The following ZSWIM3 variants were observed in gnomAD, a reference collection of about 807,000 sequenced individuals.
ZSWIM3 encodes zinc finger SWIM-type containing 3, also known as zinc finger SWIM domain-containing protein 3.
Under a neutral mutation model 47.5 loss-of-function variants are expected in ZSWIM3, and 27 were observed. The observed-to-expected ratio is 0.57, with a 90% CI of 0.42 to 0.78. The LOEUF is 0.78. Ranked by LOEUF, ZSWIM3 falls within the 30% of genes least tolerant of loss-of-function variation. The pLI is 0.00. For synonymous variants in ZSWIM3, 333 were observed against 333.9 expected, an observed-to-expected ratio of 1.00 and a Z score of 0.03; for missense variants, 689 against 861.3, an observed-to-expected ratio of 0.80 and a Z score of 2.50.
chr20:45,870,938 A>G (rs1179931585), intron 1 of ZSWIM3, among the ~76,000 whole-genome samples: 3 of 152,064 alleles, frequency 2.0e-5, no homozygotes, highest in Non-Finnish European at 4.4e-5. Context: ...CAAGTGATCC[A>G]CCTACCTTGG....
chr20:45,861,864 T>C (rs781635149), intron 1 of ZSWIM3, among the ~76,000 whole-genome samples: 2 of 151,588 alleles, frequency 1.3e-5, no homozygotes, highest in Non-Finnish European at 2.9e-5. Context: ...ATTACAGATA[T>C]GAACCACCAT....
At chr20:45,873,387 G>A (rs574513643) in intron 1 of ZSWIM3, among the ~76,000 whole-genome samples, 1 of 152,076 alleles carries the variant, frequency 6.6e-6, no homozygotes, top group African/African-American at 2.4e-5. Flanking sequence ...GGCAACAAGA[G>A]TGAAACGCCA....
intron 1 of ZSWIM3, among the ~76,000 whole-genome samples, chr20:45,860,971 C>T (rs1985693750): frequency 6.6e-6 from 1 of 152,120 alleles, no homozygotes; most frequent in African/African-American, 2.4e-5. Flanking sequence ...TATTAGAAAA[C>T]AGTGATGGGC....
At chr20:45,859,811 A>AC (rs1985659761) in intron 1 of ZSWIM3, among the ~76,000 whole-genome samples, 1 of 149,404 alleles carries the variant, frequency 6.7e-6, no homozygotes, top group African/African-American at 2.4e-5. Context: ...AAAAAAAAAA[A>AC]AAAAACCACA....
chr20:45,878,908 A>T lies in ZSWIM3; in HGVS notation c.*259A>T, dbSNP rs1410227003. ...AAAGTTATCTCCGTGCTGCAAGGTC[A>T]CCCTCTTCCTCCCCCAGCCCCTGAG... is the stretch of plus-strand genomic sequence containing the variant. On this transcript the variant is annotated 3_prime_UTR_variant, in exon 2 of 2. Transcript: ENST00000255152. 6 of 427,082 alleles carry T rather than the reference A, an allele frequency of 1.4e-5. No individual in the cohort carries two copies. Among genetic ancestry groups the T allele is most frequent in the Non-Finnish European group, 2.5e-5 (6 of 238,232 alleles). 26.5% of individuals were successfully genotyped at this position (427,082 alleles called of 1,614,324 possible). A position where few individuals can be genotyped will look rare whatever the true frequency, so the allele number is the denominator to read the frequency against.
At chr20:45,866,791 C>T (rs978658759) in intron 1 of ZSWIM3, among the ~76,000 whole-genome samples, 5 of 151,692 alleles carry the variant, frequency 3.3e-5, no homozygotes, top group African/African-American at 1.2e-4. Context: ...AACAGAGACC[C>T]TGTCTCAAAA....
At chr20:45,870,846 A>G (rs1206386939) in intron 1 of ZSWIM3, among the ~76,000 whole-genome samples, 2 of 152,090 alleles carry the variant, frequency 1.3e-5, no homozygotes, top group Non-Finnish European at 2.9e-5. Flanking sequence ...GGTGTGCACC[A>G]GCATGCCCGG....
intron 1 of ZSWIM3, among the ~76,000 whole-genome samples, chr20:45,865,452 T>C (rs73622616): frequency 1.3e-5 from 2 of 151,638 alleles, no homozygotes; most frequent in African/African-American, 4.8e-5. Context: ...CGTGCCACTG[T>C]ACTCCAGCCT....
chr20:45,860,510 CAAAAAA>C (rs59152975), intron 1 of ZSWIM3, among the ~76,000 whole-genome samples: 1 of 102,634 alleles, frequency 9.7e-6, no homozygotes, highest in African/African-American at 5.5e-5. Context: ...GACTCCATCT[CAAAAAA>C]AAAAAAAAAA....
chr20:45,873,267 G>T (rs1483041359), intron 1 of ZSWIM3, among the ~76,000 whole-genome samples: 1 of 152,206 alleles, frequency 6.6e-6, no homozygotes, highest in Non-Finnish European at 1.5e-5. Flanking sequence ...CGGGCATGGT[G>T]GCGCATGCCT....
Position 45,857,916 on chromosome 20 carries a change from A to G in ZSWIM3, c.91A>G (p.Arg31Gly). ...KRENRCSFIL[R>G]DCVSVRFHNL... ...GGAGAACAGGTGCTCCTTCATTCTC[A>G]GGGACTGCGTCTCCGTCCGCTTCCA... The change falls in exon 1 of 2, where the codon AGG becomes GGG. Residue 31 changes from arginine (R) to glycine (G), a missense_variant. By Grantham distance (125) the Arg-to-Gly change is moderately radical. Coordinates refer to ENST00000255152, the MANE Select transcript of ZSWIM3 (RefSeq NM_080752.4). 1.3e-6 allele frequency: 2 copies of G among 1,543,256 alleles called. No homozygotes were observed. Among genetic ancestry groups the G allele is most frequent in the Non-Finnish European group, 1.8e-6 (2 of 1,140,866 alleles).
chr20:45,873,356 G>A (rs1016244765), intron 1 of ZSWIM3, among the ~76,000 whole-genome samples: 3 of 152,018 alleles, frequency 2.0e-5, no homozygotes, highest in Admixed American at 1.3e-4. Flanking sequence ...AGTCGAGATC[G>A]AGCCATCGCA....
rs150493098 is a variant in ZSWIM3 at position 45,878,349 on chromosome 20, G to C, written c.1791G>C (p.Glu597Asp). Residue 597 changes from glutamate to aspartate, a missense_variant, in exon 2 of 2, where the codon GAG (glutamate) becomes GAC (aspartate). Coordinates refer to ENST00000255152, the MANE Select transcript of ZSWIM3 (RefSeq NM_080752.4). Reference sequence around the variant, plus strand: ...AGTACCTCCTTGGGCCCAATGGGGAGCTCCAGGATCGTGGTATGGTCCCAA... The same window carrying C: ...AGTACCTCCTTGGGCCCAATGGGGACCTCCAGGATCGTGGTATGGTCCCAA... ...KYQYLLGPNGELQDRGMVPNT... is the reference protein window; with the variant it reads ...KYQYLLGPNGDLQDRGMVPNT... 4.0e-5 allele frequency: 64 copies of C among 1,614,234 alleles called. No individual in the cohort carries two copies. The African/African-American group carries it at 6.7e-4, about 17-fold the overall frequency.
intron 1 of ZSWIM3, among the ~76,000 whole-genome samples, chr20:45,871,506 C>T (rs1353128114): frequency 6.6e-6 from 1 of 152,156 alleles, no homozygotes; most frequent in African/African-American, 2.4e-5. Context: ...AGACGTGGCT[C>T]CTAGTCCTAG....
Position 45,857,869 on chromosome 20 carries a change from AGTG to A in ZSWIM3, c.45_47del (p.Glu15_Cys16delinsAsp). On this transcript the variant is annotated inframe_deletion, in exon 1 of 2. Coordinates refer to ENST00000255152, the MANE Select transcript of ZSWIM3 (RefSeq NM_080752.4). ...TTCAAGACCTATGAGGACTTCAAGG[AGTG>A]CTTCAGCGCCTACAAAAGGGAGAAC... The A allele has an allele frequency of 6.2e-7, 1 of 1,614,078 alleles. No individual in the cohort carries two copies. The highest frequency in any genetic ancestry group is 8.5e-7 in the Non-Finnish European group (1 of 1,180,014).
chr20:45,858,064 A>G, intron 1 of ZSWIM3, 84 bp downstream of exon 1: 1 of 1,430,564 alleles, frequency 7.0e-7, no homozygotes, highest in Admixed American at 2.0e-5. Flanking sequence ...GGAGGGGTGC[A>G]TAGGCACGCA....
chr20:45,877,100 T>A lies in ZSWIM3; in HGVS notation c.542T>A (p.Phe181Tyr). 1 of 1,614,114 alleles carries A rather than the reference T, an allele frequency of 6.2e-7. No homozygotes were observed. Among genetic ancestry groups the A allele is most frequent in the South Asian group, 1.1e-5 (1 of 91,076 alleles). Residue 181 changes from phenylalanine (F) to tyrosine (Y), a missense_variant, in exon 2 of 2, where the codon TTT becomes TAT. Coordinates refer to ENST00000255152, the MANE Select transcript of ZSWIM3 (RefSeq NM_080752.4). ...LAKIAKVMKN[F>Y]LKVDEGSMAS... is the part of the protein sequence containing the mutation. The stretch of plus-strand genomic sequence containing the variant: ...AAGATAGCAAAAGTGATGAAGAACT[T>A]TCTTAAGGTAGATGAGGGTTCCATG...
At position 45,878,399 on chromosome 20, in the gene ZSWIM3, G is replaced by A. The variant is rs1216066612; in HGVS notation, c.1841G>A (p.Gly614Glu). The A allele has an allele frequency of 6.2e-7, 1 of 1,614,238 alleles. No individual in the cohort carries two copies. Among genetic ancestry groups the A allele is most frequent in the Non-Finnish European group, 8.5e-7 (1 of 1,180,042 alleles). ...VPNTGQPEKQ[G>E]RNDMIQDLSR... ...AACACAGGCCAGCCTGAGAAGCAAG[G>A]ACGGAACGACATGATTCAGGACCTA... is the stretch of plus-strand genomic sequence containing the variant. Residue 614 changes from glycine to glutamate, a missense_variant, in exon 2 of 2, where the codon GGA becomes GAA. Coordinates refer to ENST00000255152, the MANE Select transcript of ZSWIM3 (RefSeq NM_080752.4).
rs1986175405 is a variant in ZSWIM3, at chr20:45,878,819, C to G, written c.*170C>G. 1 of 874,692 alleles carries G rather than the reference C, an allele frequency of 1.1e-6. No homozygotes were observed. Among genetic ancestry groups the G allele is most frequent in the Non-Finnish European group, 1.7e-6 (1 of 601,222 alleles). 54.2% of individuals were successfully genotyped at this position (874,692 alleles called of 1,614,324 possible). A position where few individuals can be genotyped will look rare whatever the true frequency, so the allele number is the denominator to read the frequency against. Reference sequence around the variant, plus strand: ...GAACTCCACTGTGTGACAGTCCTTTCAATCTGCCCCTTTTCAGCCCTACTT... The same window carrying G: ...GAACTCCACTGTGTGACAGTCCTTTGAATCTGCCCCTTTTCAGCCCTACTT... On this transcript the variant is annotated 3_prime_UTR_variant, in exon 2 of 2. Coordinates refer to ENST00000255152, the MANE Select transcript of ZSWIM3 (RefSeq NM_080752.4).
Sources: gnomAD v4.1 joint callset for allele counts (sites outside exome capture counted in the v4.1 genomes callset) on GRCh38, gnomAD v4.1.1 for gene constraint, MANE v1.5 for transcripts, NCBI Gene and HGNC (gene_info 2026-07-23, HGNC 2026-07-21) for gene names.